Variants in TULP3 observed in about 807,000 individuals in gnomAD.
TULP3 encodes tubby-related protein 3.
Under a neutral mutation model 50.7 loss-of-function variants are expected in TULP3, and 38 were observed. That is an observed-to-expected ratio of 0.75 (90% CI 0.58 to 0.98). The LOEUF (loss-of-function observed/expected upper bound fraction) is 0.98. TULP3 is among the 50% of genes least tolerant of loss of function. TULP3 has a pLI of 0.00. For missense variants in TULP3, 550 were observed against 568.0 expected (o/e 0.97, Z 0.32); for synonymous variants, 183 against 196.6 (o/e 0.93, Z 0.58).
At chr12:2,894,705 C>G (rs1350664488) in intron 1 of TULP3, among the ~76,000 whole-genome samples, 1 of 152,122 alleles carries the variant, frequency 6.6e-6, no homozygotes, top group Non-Finnish European at 1.5e-5. Flanking sequence ...ACCAGCCCAA[C>G]CAACATGGCG....
At chr12:2,915,627 C>T (rs1482212265) in intron 2 of TULP3, among the ~76,000 whole-genome samples, 3 of 151,856 alleles carry the variant, frequency 2.0e-5, no homozygotes, top group African/African-American at 7.3e-5. Context: ...TCACTGCAAC[C>T]TCCACCTCCC....
At chr12:2,897,003 A>G (rs1010511873) in intron 1 of TULP3, among the ~76,000 whole-genome samples, 2 of 152,148 alleles carry the variant, frequency 1.3e-5, no homozygotes, top group Admixed American at 6.6e-5. Context: ...CAATAACAAT[A>G]CAATTTTGGA....
At chr12:2,895,667 A>G (rs750603507) in intron 1 of TULP3, among the ~76,000 whole-genome samples, 1 of 120,762 alleles carries the variant, frequency 8.3e-6, no homozygotes, top group Non-Finnish European at 1.7e-5. Context: ...GAACATGATG[A>G]AATCTGATGC....
chr12:2,893,327 G>GGTTTTTTTTTTTTTTTTTTTTTTT (rs1555110454), intron 1 of TULP3, among the ~76,000 whole-genome samples: 2 of 128,162 alleles, frequency 1.6e-5, no homozygotes, highest in Non-Finnish European at 3.2e-5. Context: ...TGTTTAATGT[G>GGTTTTTTTTTTTTTTTTTTTTTTT]TTTTTTTTTT....
chr12:2,917,397 G>A (rs1232836959), intron 2 of TULP3, among the ~76,000 whole-genome samples: 2 of 151,480 alleles, frequency 1.3e-5, no homozygotes, highest in South Asian at 2.1e-4. Context: ...GCATGAACCC[G>A]TGAGGCAGAG....
intron 2 of TULP3, among the ~76,000 whole-genome samples, chr12:2,914,510 T>A (rs1042767321): frequency 3.9e-5 from 6 of 152,248 alleles, no homozygotes; most frequent in Admixed American, 3.9e-4. Flanking sequence ...TTTGAATTAA[T>A]TGCTGTGTAT....
chr12:2,921,202 G>T (rs961375746), intron 3 of TULP3, among the ~76,000 whole-genome samples: 2 of 152,010 alleles, frequency 1.3e-5, no homozygotes, highest in East Asian at 3.9e-4. Context: ...GCAATGGCGC[G>T]ATCTTGGCTC....
chr12:2,940,652 C>T lies in TULP3; in HGVS notation c.*1208C>T, dbSNP rs1051686951. 9 of 1,551,620 alleles carry T rather than the reference C, an allele frequency of 5.8e-6. No individual in the cohort carries two copies. Among genetic ancestry groups the T allele is most frequent in the African/African-American group, 1.4e-5 (1 of 73,054 alleles). Reference sequence around the variant, plus strand: ...GGTGGGACACCCGTGGCGGCTGCTCCCTCAGACCTCCCTTCTGTGGACTGA... The same window carrying T: ...GGTGGGACACCCGTGGCGGCTGCTCTCTCAGACCTCCCTTCTGTGGACTGA... On this transcript the variant is annotated 3_prime_UTR_variant, in exon 11 of 11. Transcript: ENST00000448120.
At chr12:2,908,101 T>C (rs2098183418) in intron 1 of TULP3, among the ~76,000 whole-genome samples, 1 of 152,234 alleles carries the variant, frequency 6.6e-6, no homozygotes, top group Non-Finnish European at 1.5e-5. Flanking sequence ...TTGAAGTTGC[T>C]ATGCATTAGT....
intron 1 of TULP3, among the ~76,000 whole-genome samples, chr12:2,891,976 C>T (rs1293916750): frequency 3.9e-5 from 6 of 152,158 alleles, no homozygotes; most frequent in Admixed American, 3.9e-4. Flanking sequence ...GTTCCAGCGA[C>T]TCGAGAGACT....
At chr12:2,934,871 A>G (rs112903377) in intron 8 of TULP3, among the ~76,000 whole-genome samples, 154 of 151,928 alleles carry the variant, frequency 1.0e-3, no homozygotes, top group African/African-American at 3.5e-3. Flanking sequence ...TTTGCTTTTA[A>G]TCTTTTCCTA....
intron 2 of TULP3, among the ~76,000 whole-genome samples, chr12:2,917,707 C>G (rs368087185): frequency 6.1e-4 from 92 of 151,982 alleles, no homozygotes; most frequent in Middle Eastern, 6.8e-3. Context: ...GAAACCTCAT[C>G]TTTACTAAAA....
rs1050118633 is a variant in TULP3 at position 2,917,021 on chromosome 12, G to C, written c.94-3742G>C. 6.6e-5 allele frequency among the ~76,000 whole-genome samples: 10 copies of C among 152,098 alleles called. 1 individual carries two copies. The highest frequency in any genetic ancestry group is 6.6e-4 in the Admixed American group (10 of 15,252). On this transcript the variant is annotated intron_variant, in intron 2 of 10. Transcript: ENST00000448120. ...TCTCCCCTTAACAAGTGAGAGCTTAGTTTGTCAGTGAACTGGATATAACCA... is the reference window on the plus strand; with the variant it reads ...TCTCCCCTTAACAAGTGAGAGCTTACTTTGTCAGTGAACTGGATATAACCA...
At chr12:2,898,618 G>C (rs569360651) in intron 1 of TULP3, among the ~76,000 whole-genome samples, 1 of 152,226 alleles carries the variant, frequency 6.6e-6, no homozygotes, top group African/African-American at 2.4e-5. Flanking sequence ...ATTTCAATAA[G>C]ACTTTATGGA....
chr12:2,924,357 C>G (rs1187045120), intron 4 of TULP3, among the ~76,000 whole-genome samples: 1 of 152,014 alleles, frequency 6.6e-6, no homozygotes, highest in Non-Finnish European at 1.5e-5. Context: ...CCTAATAGAC[C>G]ATGTCAGGAA....
chr12:2,929,659 C>G (rs2098196761), intron 4 of TULP3, among the ~76,000 whole-genome samples: 1 of 151,860 alleles, frequency 6.6e-6, no homozygotes, highest in African/African-American at 2.4e-5. Flanking sequence ...GGCACAGTCT[C>G]GGCTCGCTGC....
intron 1 of TULP3, among the ~76,000 whole-genome samples, chr12:2,905,235 G>T (rs996909081): frequency 2.0e-4 from 30 of 146,778 alleles, no homozygotes; most frequent in African/African-American, 6.6e-4. Flanking sequence ...TGCCAGGCTG[G>T]AGTGCAGTGG....
chr12:2,918,621 ACCTCCG>A (rs2098190034), intron 2 of TULP3, among the ~76,000 whole-genome samples: 1 of 151,186 alleles, frequency 6.6e-6, no homozygotes, highest in Admixed American at 6.6e-5. Flanking sequence ...GCTCGCCGCA[ACCTCCG>A]CCTCCCAGGC....
intron 1 of TULP3, among the ~76,000 whole-genome samples, chr12:2,906,609 A>G (rs1023510385): frequency 6.6e-6 from 1 of 150,934 alleles, no homozygotes; most frequent in East Asian, 2.0e-4. Context: ...GATTACAGGC[A>G]TGAGCCACTG....
Sources: gnomAD v4.1 joint callset for allele counts (sites outside exome capture counted in the v4.1 genomes callset) on GRCh38, gnomAD v4.1.1 for gene constraint, MANE v1.5 for transcripts, NCBI Gene and HGNC (gene_info 2026-07-23, HGNC 2026-07-21) for gene names.